ACVR2A: variants seen among roughly 807,000 people sequenced by gnomAD.
ACVR2A encodes activin receptor type-2A.
In ACVR2A, 7 loss-of-function variants were observed where a neutral mutation model predicts 61.4. That is an observed-to-expected ratio of 0.11 (90% CI 0.06 to 0.21). The LOEUF (loss-of-function observed/expected upper bound fraction) is 0.21. Ranked by LOEUF, ACVR2A falls within the 10% of genes least tolerant of loss-of-function variation. The probability of loss-of-function intolerance (pLI) is 1.00; values close to 1 mark genes in which losing one functional copy is unlikely to be tolerated. For synonymous variants in ACVR2A, 193 were observed against 208.3 expected, an observed-to-expected ratio of 0.93 and a Z score of 0.63; for missense variants, 322 against 621.7, an observed-to-expected ratio of 0.52 and a Z score of 5.13.
chr2:147,917,327 T>A lies in ACVR2A; in HGVS notation c.717T>A (p.Pro239=). 2 of 1,612,346 alleles carry A rather than the reference T, an allele frequency of 1.2e-6. No individual in the cohort carries two copies. The highest frequency in any genetic ancestry group is 1.7e-6 in the Non-Finnish European group (2 of 1,178,904). ...ATGAATACGAAGTCTACAGTTTGCC[T>A]GGAATGAAGCATGAGAACATATTAC... ...WQNEYEVYSL[P]GMKHENILQF... The change falls in exon 6 of 11, where the codon CCT becomes CCA. Residue 239 remains proline (P), a synonymous_variant. Coordinates refer to ENST00000241416, the MANE Select transcript of ACVR2A (RefSeq NM_001616.5).
chr2:147,911,784 A>G lies in ACVR2A; in HGVS notation c.529-3407A>G, dbSNP rs527987464. 2.0e-5 allele frequency among the ~76,000 whole-genome samples: 3 copies of G among 152,168 alleles called. No homozygotes were observed. The South Asian group carries it at 6.2e-4, about 32-fold the overall frequency. ...GTTTTAAGAGACTGAGAGTATTTAT[A>G]TTTATTTAAGGTAGGATGTAGAAAA... is the stretch of plus-strand genomic sequence containing the variant. On this transcript the variant is annotated intron_variant, in intron 4 of 10. Transcript: ENST00000241416.
At chr2:147,916,837 G>A in intron 5 of ACVR2A, among the ~76,000 whole-genome samples, 1 of 151,866 alleles carries the variant, frequency 6.6e-6, no homozygotes, top group East Asian at 1.9e-4. Context: ...TTTTTTGAAG[G>A]ATGTTTGATA....
At chr2:147,856,350 C>T (rs1685573461) in intron 1 of ACVR2A, among the ~76,000 whole-genome samples, 1 of 152,174 alleles carries the variant, frequency 6.6e-6, no homozygotes, top group African/African-American at 2.4e-5. Flanking sequence ...TGCCTCTTTT[C>T]ATCTGGTTTC....
At chr2:147,848,642 C>T (rs1685376071) in intron 1 of ACVR2A, among the ~76,000 whole-genome samples, 1 of 152,084 alleles carries the variant, frequency 6.6e-6, no homozygotes, top group South Asian at 2.1e-4. Context: ...GAACAGCAGA[C>T]ACTGGGGTCT....
At chr2:147,872,535 G>A (rs531642541) in intron 1 of ACVR2A, among the ~76,000 whole-genome samples, 2 of 149,854 alleles carry the variant, frequency 1.3e-5, no homozygotes, top group East Asian at 1.9e-4. Flanking sequence ...TACAATTAAC[G>A]AAGTGTTGGC....
At chr2:147,855,220 T>A (rs1025715702) in intron 1 of ACVR2A, among the ~76,000 whole-genome samples, 1 of 152,172 alleles carries the variant, frequency 6.6e-6, no homozygotes, top group Non-Finnish European at 1.5e-5. Flanking sequence ...ATGTAAGCTC[T>A]ACTGGGGTGG....
intron 1 of ACVR2A, among the ~76,000 whole-genome samples, chr2:147,878,930 G>T (rs1459543266): frequency 6.6e-6 from 1 of 151,920 alleles, no homozygotes; most frequent in Non-Finnish European, 1.5e-5. Context: ...TCTTTTTTTG[G>T]AGGAAAAGGT....
intron 1 of ACVR2A, among the ~76,000 whole-genome samples, chr2:147,877,184 G>T (rs367650024): frequency 6.6e-6 from 1 of 151,988 alleles, no homozygotes; most frequent in African/African-American, 2.4e-5. Flanking sequence ...GAATCTTTTG[G>T]TATCTTTCAG....
Position 147,899,752 on chromosome 2 carries a change from A to G in ACVR2A, c.382A>G (p.Asn128Asp). The G allele has an allele frequency of 6.2e-7, 1 of 1,612,978 alleles. No individual in the cohort carries two copies. The highest frequency in any genetic ancestry group is 1.1e-5 in the South Asian group (1 of 90,746). ...CCCCCCCTTTTCCACAGCCACTTCA[A>G]ATCCAGTTACACCTAAGCCACCCTA... The part of the protein sequence containing the change: ...PEMEVTQPTS[N>D]PVTPKPPYYN... The change falls in exon 4 of 11, where the codon AAT (asparagine) becomes GAT (aspartate). Residue 128 changes from asparagine to aspartate, a missense_variant. This residue lies in a region of ACVR2A where 142 missense variants were observed against 200.3 expected (regional missense o/e 0.71). Transcript: ENST00000241416.
chr2:147,920,414 G>A (rs1687351636), intron 8 of ACVR2A, 70 bp downstream of exon 8: 2 of 1,166,596 alleles, frequency 1.7e-6, no homozygotes, highest in African/African-American at 3.1e-5. Flanking sequence ...TGGCATGTCA[G>A]GACTGAATTA....
At chr2:147,879,008 A>G (rs1032607667) in intron 1 of ACVR2A, among the ~76,000 whole-genome samples, 1 of 152,194 alleles carries the variant, frequency 6.6e-6, no homozygotes, top group African/African-American at 2.4e-5. Flanking sequence ...AGAGAATAGT[A>G]TGATAGTTTC....
intron 1 of ACVR2A, among the ~76,000 whole-genome samples, chr2:147,893,659 A>T (rs998082012): frequency 1.8e-4 from 28 of 152,130 alleles, no homozygotes; most frequent in Non-Finnish European, 4.0e-4. Flanking sequence ...TTCAAAAAAA[A>T]TTTTTATTCT....
chr2:147,917,036 CCTT>C (rs1360367804), intron 5 of ACVR2A, among the ~76,000 whole-genome samples: 1 of 151,880 alleles, frequency 6.6e-6, no homozygotes, highest in Non-Finnish European at 1.5e-5. Flanking sequence ...TTTCCGATCA[CCTT>C]CTGTGTTTGT....
chr2:147,904,003 G>A (rs141562208), intron 4 of ACVR2A, among the ~76,000 whole-genome samples: 523 of 152,060 alleles, frequency 3.4e-3, no homozygotes, highest in East Asian at 8.5e-3. Flanking sequence ...AGGGCTTTGC[G>A]TTGAGAGAAA....
chr2:147,922,366 C>G lies in ACVR2A; in HGVS notation c.1078-607C>G, dbSNP rs189723349. On this transcript the variant is annotated intron_variant, in intron 8 of 10. Transcript: ENST00000241416. The stretch of plus-strand genomic sequence containing the variant: ...CGCAAGTATGTTGTGATGTACCCAG[C>G]TATCTCACAAATATTTTTAAGCATT... Among the ~76,000 whole-genome samples the G allele has an allele frequency of 2.7e-3, 410 of 152,170 alleles. 2 individuals carry two copies. The highest frequency in any genetic ancestry group is 4.1e-3 in the Non-Finnish European group (277 of 67,980).
At chr2:147,919,155 T>A (rs1687321732) in intron 7 of ACVR2A, among the ~76,000 whole-genome samples, 1 of 152,162 alleles carries the variant, frequency 6.6e-6, no homozygotes, top group South Asian at 2.1e-4. Flanking sequence ...ATTCAATTTG[T>A]TGTCTTGTGT....
Position 147,927,323 on chromosome 2 carries a change from TGCTAA to T in ACVR2A, c.*55_*59del, listed in dbSNP as rs1687527532. 3 of 1,526,088 alleles carry T rather than the reference TGCTAA, an allele frequency of 2.0e-6. No homozygotes were observed. The highest frequency in any genetic ancestry group is 2.7e-6 in the Non-Finnish European group (3 of 1,129,296). 94.5% of individuals were successfully genotyped at this position (1,526,088 alleles called of 1,614,324 possible). A position where few individuals can be genotyped will look rare whatever the true frequency, so the allele number is the denominator to read the frequency against. Reference sequence around the variant, plus strand: ...AAGAAATGGGACTCTGAACTGGAGCTGCTAAGCTAAAGAAACTGCTTACAGTTTAT... The same window carrying T: ...AAGAAATGGGACTCTGAACTGGAGCTGCTAAAGAAACTGCTTACAGTTTAT... On this transcript the variant is annotated 3_prime_UTR_variant, in exon 11 of 11. Coordinates refer to ENST00000241416, the MANE Select transcript of ACVR2A (RefSeq NM_001616.5).
At chr2:147,898,937 T>A (rs1455838529) in intron 2 of ACVR2A, among the ~76,000 whole-genome samples, 1 of 152,146 alleles carries the variant, frequency 6.6e-6, no homozygotes, top group Non-Finnish European at 1.5e-5. Flanking sequence ...CAGCCTAGTT[T>A]GGGTTTCTGA....
At chr2:147,844,864 C>G (rs1357496306), upstream of ACVR2A, 2 of 346,516 alleles carry the variant, frequency 5.8e-6, no homozygotes, top group South Asian at 8.1e-5. Flanking sequence ...TGATTTAAAC[C>G]CGCTTTTGTT....
Sources: allele counts gnomAD v4.1 joint callset (sites outside exome capture counted in the v4.1 genomes callset), GRCh38; gene constraint gnomAD v4.1.1; regional missense constraint gnomAD v4.1.1; transcripts MANE v1.5; gene names NCBI Gene and HGNC (gene_info 2026-07-23, HGNC 2026-07-21).